The following CCDC171 variants were observed in gnomAD, a reference collection of about 807,000 sequenced individuals.
The protein encoded by CCDC171 is coiled-coil domain containing 171.
A neutral mutation model predicts 168.2 loss-of-function variants in CCDC171; 177 were observed. That is an observed-to-expected ratio of 1.05 (90% CI 0.93 to 1.19). The LOEUF (loss-of-function observed/expected upper bound fraction) is 1.19, where lower values mean the gene tolerates loss of function less well. Among genes scored for constraint, CCDC171 ranks in the 50% most tolerant of loss-of-function variants. The probability of loss-of-function intolerance (pLI) is 0.00; values close to 1 mark genes in which losing one functional copy is unlikely to be tolerated. For missense variants in CCDC171, 1,991 were observed against 1,539.0 expected, an observed-to-expected ratio of 1.29 and a Z score of -4.91; for synonymous variants, 687 against 540.8, an observed-to-expected ratio of 1.27 and a Z score of -3.75.
chr9:16,071,226 T>G, the CCDC171 span, among the ~76,000 whole-genome samples: 1 of 152,182 alleles, frequency 6.6e-6, no homozygotes, highest in African/African-American at 2.4e-5. Flanking sequence ...CCTGGACTCT[T>G]CAGTCATGCT....
intron 8 of CCDC171, among the ~76,000 whole-genome samples, chr9:16,037,268 C>A (rs1833488966): frequency 6.6e-6 from 1 of 152,148 alleles, no homozygotes; most frequent in African/African-American, 2.4e-5. Context: ...TAAATATGTA[C>A]AATTATCACA....
At chr9:15,982,029 G>A (rs1334473990) in intron 3 of CCDC171, among the ~76,000 whole-genome samples, 1 of 152,168 alleles carries the variant, frequency 6.6e-6, no homozygotes, top group East Asian at 1.9e-4. Flanking sequence ...TCATATTGTA[G>A]TTGTAGTTTA....
intron 24 of CCDC171, among the ~76,000 whole-genome samples, chr9:15,912,481 A>G (rs1011371483): frequency 6.6e-6 from 1 of 152,124 alleles, no homozygotes; most frequent in African/African-American, 2.4e-5. Flanking sequence ...ATATACAGTC[A>G]TGTCATCTGC....
At chr9:16,082,899 T>C in the CCDC171 span, among the ~76,000 whole-genome samples, 2 of 152,320 alleles carry the variant, frequency 1.3e-5, no homozygotes, top group South Asian at 2.1e-4. Context: ...CATTTATTAG[T>C]GAGGACATGG....
At chr9:15,803,472 C>T in intron 21 of CCDC171, among the ~76,000 whole-genome samples, 1 of 152,060 alleles carries the variant, frequency 6.6e-6, no homozygotes. Flanking sequence ...TTTCAATTTT[C>T]TGCATATGGC....
chr9:15,606,627 G>A (rs2043248008), intron 6 of CCDC171, among the ~76,000 whole-genome samples: 1 of 152,160 alleles, frequency 6.6e-6, no homozygotes, highest in Non-Finnish European at 1.5e-5. Context: ...TCTAACTAGT[G>A]TAATTCTTCA....
chr9:15,915,628 T>C (rs1208746643), intron 24 of CCDC171, among the ~76,000 whole-genome samples: 1 of 152,190 alleles, frequency 6.6e-6, no homozygotes, highest in Non-Finnish European at 1.5e-5. Context: ...GCCTGATTGC[T>C]TTGTCAAGGA....
intron 25 of CCDC171, among the ~76,000 whole-genome samples, chr9:15,936,666 C>T (rs890566415): frequency 8.6e-5 from 13 of 151,988 alleles, no homozygotes; most frequent in African/African-American, 2.2e-4. Flanking sequence ...TGAAATTAAA[C>T]GAGGACCTCT....
chr9:16,052,312 T>G (rs1337434786), intron 1 of CCDC171, among the ~76,000 whole-genome samples: 1 of 152,134 alleles, frequency 6.6e-6, no homozygotes, highest in Non-Finnish European at 1.5e-5. Context: ...GGGCTGTCAT[T>G]GTGGAAAGCT....
intron 21 of CCDC171, among the ~76,000 whole-genome samples, chr9:15,825,331 G>C (rs552827129): frequency 6.6e-6 from 1 of 152,092 alleles, no homozygotes; most frequent in Admixed American, 6.6e-5. Flanking sequence ...TGATAATGTA[G>C]GTAGAAGGGA....
chr9:15,805,765 A>C (rs946451202), intron 21 of CCDC171, among the ~76,000 whole-genome samples: 1 of 152,106 alleles, frequency 6.6e-6, no homozygotes, highest in East Asian at 1.9e-4. Context: ...TGTCAGGTCC[A>C]CTTGATCCTG....
chr9:16,002,862 TGC>T (rs1369001740), intron 3 of CCDC171, among the ~76,000 whole-genome samples: 1 of 152,224 alleles, frequency 6.6e-6, no homozygotes, highest in African/African-American at 2.4e-5. Context: ...GTGTTACAAC[TGC>T]CTACAGTATT....
chr9:15,802,913 C>A (rs745889946), intron 21 of CCDC171, among the ~76,000 whole-genome samples: 2 of 152,080 alleles, frequency 1.3e-5, no homozygotes, highest in Non-Finnish European at 2.9e-5. Context: ...ACCTTGCCAG[C>A]ATCTGTTGTT....
At chr9:15,770,280 C>CT in intron 18 of CCDC171, among the ~76,000 whole-genome samples, 2 of 152,290 alleles carry the variant, frequency 1.3e-5, no homozygotes, top group East Asian at 3.9e-4. Flanking sequence ...AAAACTTTCA[C>CT]TATGCTATGT....
At chr9:15,892,047 A>C (rs1204584297) in intron 24 of CCDC171, among the ~76,000 whole-genome samples, 1 of 152,186 alleles carries the variant, frequency 6.6e-6, no homozygotes, top group Non-Finnish European at 1.5e-5. Flanking sequence ...AATAATCTTT[A>C]TTAGTGTTTT....
At chr9:15,962,551 A>G (rs1830446290) in intron 25 of CCDC171, among the ~76,000 whole-genome samples, 1 of 152,124 alleles carries the variant, frequency 6.6e-6, no homozygotes, top group Non-Finnish European at 1.5e-5. Context: ...ATAATTTGTA[A>G]TATTTAATTT....
At chr9:15,633,543 T>C (rs1564098790) in intron 7 of CCDC171, among the ~76,000 whole-genome samples, 1 of 152,024 alleles carries the variant, frequency 6.6e-6, no homozygotes, top group Non-Finnish European at 1.5e-5. Context: ...GGAGAGGATG[T>C]GGAGAAATAG....
rs566316050 is a variant in CCDC171 at position 15,748,468 on chromosome 9, G to T, written c.2671+2837G>T. 8.5e-5 allele frequency among the ~76,000 whole-genome samples: 13 copies of T among 152,266 alleles called. No individual in the cohort carries two copies. In the South Asian group the frequency reaches 2.3e-3, roughly 27 times the overall value. ...CCAACATTCAATTTCAGGAAGTACA[G>T]AGAACACCACAAAGATATTCCTCGA... On this transcript the variant is annotated intron_variant, in intron 18 of 25. Coordinates refer to ENST00000380701, the MANE Select transcript of CCDC171 (RefSeq NM_173550.4).
chr9:16,105,458 C>T, the CCDC171 span, among the ~76,000 whole-genome samples: 4 of 152,238 alleles, frequency 2.6e-5, no homozygotes, highest in South Asian at 2.1e-4. Context: ...CAGCACCCCC[C>T]CCTTCTCTTT....
Sources: gnomAD v4.1 joint callset for allele counts (sites outside exome capture counted in the v4.1 genomes callset) on GRCh38, gnomAD v4.1.1 for gene constraint, MANE v1.5 for transcripts, NCBI Gene and HGNC (gene_info 2026-07-23, HGNC 2026-07-21) for gene names.